Variants in ZFHX3 observed in about 807,000 individuals in gnomAD.
ZFHX3 encodes zinc finger homeobox 3, also known as zinc finger homeobox protein 3.
A neutral mutation model predicts 279.1 loss-of-function variants in ZFHX3; 42 were observed. The ratio of observed to expected loss-of-function variants is 0.15; its 90% CI spans 0.12 to 0.19. ZFHX3 has a LOEUF of 0.19. Among genes scored for constraint, ZFHX3 ranks in the 10% least tolerant of loss-of-function variants. The probability of loss-of-function intolerance (pLI) is 1.00; values close to 1 mark genes in which losing one functional copy is unlikely to be tolerated. For synonymous variants in ZFHX3, 2,293 were observed against 1,957.8 expected (o/e 1.17, Z -4.52); for missense variants, 4,981 against 4,754.0 (o/e 1.05, Z -1.40).
At chr16:73,659,694 G>A (rs1398079454) in intron 2 of ZFHX3, among the ~76,000 whole-genome samples, 1 of 152,142 alleles carries the variant, frequency 6.6e-6, no homozygotes, top group Non-Finnish European at 1.5e-5. Context: ...TCCATTTGCA[G>A]TTCTGTGCCC....
intron 4 of ZFHX3, among the ~76,000 whole-genome samples, chr16:72,843,949 C>T (rs2037413423): frequency 6.6e-6 from 1 of 152,148 alleles, no homozygotes. Flanking sequence ...ACATGAAGCC[C>T]CAAATAAAAG....
At chr16:73,632,834 TG>T (rs1187785694) in intron 2 of ZFHX3, among the ~76,000 whole-genome samples, 4 of 152,210 alleles carry the variant, frequency 2.6e-5, no homozygotes, top group Non-Finnish European at 5.9e-5. Context: ...CCCAGCACTT[TG>T]GGAGGCCGAG....
intron 5 of ZFHX3, among the ~76,000 whole-genome samples, chr16:73,218,347 C>A (rs1013446871): frequency 9.2e-5 from 14 of 152,198 alleles, no homozygotes; most frequent in East Asian, 3.8e-4. Flanking sequence ...TCCAATGAAA[C>A]TTCTTGGATA....
chr16:73,170,344 C>T (rs1416028074), intron 5 of ZFHX3, among the ~76,000 whole-genome samples: 2 of 147,464 alleles, frequency 1.4e-5, no homozygotes, highest in Non-Finnish European at 3.0e-5. Flanking sequence ...GATTCTCATG[C>T]CTCAGCCTCC....
At chr16:73,359,777 G>A (rs1441968906) in intron 3 of ZFHX3, among the ~76,000 whole-genome samples, 6 of 152,252 alleles carry the variant, frequency 3.9e-5, no homozygotes, top group African/African-American at 1.4e-4. Context: ...GTTGGTGCAT[G>A]TTTAAGGTCA....
intron 3 of ZFHX3, among the ~76,000 whole-genome samples, chr16:73,416,534 G>A (rs923359665): frequency 3.3e-5 from 5 of 152,248 alleles, no homozygotes; most frequent in East Asian, 1.9e-4. Context: ...CATAAATGTC[G>A]TAGGCAAGAC....
intron 5 of ZFHX3, among the ~76,000 whole-genome samples, chr16:73,148,438 T>C (rs1455940862): frequency 6.6e-6 from 1 of 152,094 alleles, no homozygotes; most frequent in Non-Finnish European, 1.5e-5. Context: ...CATGCAGCAA[T>C]TTGAAAACTA....
chr16:73,529,274 T>G (rs1302393114), intron 2 of ZFHX3, among the ~76,000 whole-genome samples: 1 of 152,130 alleles, frequency 6.6e-6, no homozygotes, highest in Non-Finnish European at 1.5e-5. Flanking sequence ...GGTCAAAGGA[T>G]TTGCTATTAA....
chr16:73,652,216 G>C (rs1383478433), intron 2 of ZFHX3, among the ~76,000 whole-genome samples: 1 of 152,154 alleles, frequency 6.6e-6, no homozygotes, highest in Non-Finnish European at 1.5e-5. Flanking sequence ...CCCAAAGTGA[G>C]GGCTCCCACA....
At chr16:72,980,618 A>C (rs1962553224) in intron 1 of ZFHX3, among the ~76,000 whole-genome samples, 1 of 93,438 alleles carries the variant, frequency 1.1e-5, no homozygotes, top group South Asian at 2.9e-4. Context: ...AAAAAAAAAC[A>C]AAAACAGCTG....
chr16:72,931,453 A>T (rs900129083), intron 3 of ZFHX3, among the ~76,000 whole-genome samples: 13 of 125,616 alleles, frequency 1.0e-4, no homozygotes, highest in Admixed American at 3.3e-4. Flanking sequence ...ACACACACAC[A>T]CACTCTTCAG....
At chr16:72,887,865 G>C (rs112348170) in intron 4 of ZFHX3, among the ~76,000 whole-genome samples, 1,547 of 152,128 alleles carry the variant, frequency 0.01, 24 homozygotes, top group African/African-American at 0.035. Context: ...TGCAGAGAAA[G>C]TGTATGTGTG....
chr16:73,472,020 G>A (rs1301184943), intron 2 of ZFHX3, among the ~76,000 whole-genome samples: 2 of 151,912 alleles, frequency 1.3e-5, no homozygotes, highest in African/African-American at 2.4e-5. Context: ...TCCTCCCCAC[G>A]GACTCATTTC....
At chr16:73,879,321 C>A (rs1315961822) in intron 1 of ZFHX3, among the ~76,000 whole-genome samples, 1 of 150,892 alleles carries the variant, frequency 6.6e-6, no homozygotes, top group Non-Finnish European at 1.5e-5. Context: ...ATCAAGCCCC[C>A]GGCTTCATAA....
chr16:73,105,460 T>TC (rs112470928), intron 7 of ZFHX3, among the ~76,000 whole-genome samples: 33,055 of 116,826 alleles, frequency 0.28, 5,514 homozygotes, highest in African/African-American at 0.46. Flanking sequence ...TATATATATT[T>TC]TTTCCCCCAG....
chr16:73,125,878 T>C (rs1316373096), intron 7 of ZFHX3, among the ~76,000 whole-genome samples: 4 of 152,064 alleles, frequency 2.6e-5, no homozygotes, highest in Non-Finnish European at 5.9e-5. Flanking sequence ...AGAACCCTAA[T>C]ACCGTACCAT....
At chr16:72,826,281 T>C (rs1352810503) in intron 5 of ZFHX3, among the ~76,000 whole-genome samples, 26 of 152,208 alleles carry the variant, frequency 1.7e-4, no homozygotes, top group Admixed American at 1.6e-3. Flanking sequence ...AGAGTACCCA[T>C]TCCTGCACAA....
intron 3 of ZFHX3, chr16:73,387,285 G>T (rs1211058033): frequency 6.6e-6 from 1 of 152,134 alleles, no homozygotes; most frequent in African/African-American, 2.4e-5. Context: ...TCCCATTGTG[G>T]AAATTTCACA....
chr16:73,601,555 A>G (rs1052781736), intron 2 of ZFHX3, among the ~76,000 whole-genome samples: 2 of 151,990 alleles, frequency 1.3e-5, no homozygotes, highest in Non-Finnish European at 2.9e-5. Context: ...ATTAAAACTC[A>G]TTGAGGGCAG....
Sources: allele counts gnomAD v4.1 joint callset (sites outside exome capture counted in the v4.1 genomes callset), GRCh38; gene constraint gnomAD v4.1.1; transcripts MANE v1.5; gene names NCBI Gene and HGNC (gene_info 2026-07-23, HGNC 2026-07-21).